The following EPHB1 variants were observed in gnomAD, a reference collection of about 807,000 sequenced individuals.
The protein encoded by EPHB1 is ephrin type-B receptor 1.
EPHB1 carries 30 observed loss-of-function variants against 94.4 expected under a neutral mutation model. The ratio of observed to expected loss-of-function variants is 0.32; its 90% CI spans 0.24 to 0.43. The LOEUF (loss-of-function observed/expected upper bound fraction) is 0.43, where lower values mean the gene tolerates loss of function less well. Among genes scored for constraint, EPHB1 ranks in the 20% least tolerant of loss-of-function variants. EPHB1 has a pLI of 1.00. For missense variants in EPHB1, 1,055 were observed against 1,308.3 expected (o/e 0.81, Z 2.99); for synonymous variants, 522 against 489.1 (o/e 1.07, Z -0.89).
intron 9 of EPHB1, among the ~76,000 whole-genome samples, chr3:135,173,113 C>A (rs1235098514): frequency 1.3e-5 from 2 of 150,180 alleles, no homozygotes; most frequent in African/African-American, 2.5e-5. Flanking sequence ...CAGCTCACTG[C>A]AAGCTCCGCC....
At chr3:135,041,241 C>A (rs1323899330) in intron 3 of EPHB1, among the ~76,000 whole-genome samples, 1 of 152,128 alleles carries the variant, frequency 6.6e-6, no homozygotes, top group Non-Finnish European at 1.5e-5. Context: ...AGAATAGCTC[C>A]CAGTGCTTTC....
chr3:135,241,374 T>A (rs1943779377), intron 13 of EPHB1, 77 bp downstream of exon 13: 1 of 1,568,504 alleles, frequency 6.4e-7, no homozygotes, highest in Non-Finnish European at 8.7e-7. Flanking sequence ...CAATTCCTCC[T>A]GTTTTCAGCT....
chr3:135,024,810 A>G (rs1428171324), intron 3 of EPHB1, among the ~76,000 whole-genome samples: 1 of 152,100 alleles, frequency 6.6e-6, no homozygotes, highest in Non-Finnish European at 1.5e-5. Flanking sequence ...TTTGAATTAT[A>G]TGCTTAATGT....
chr3:134,875,157 CTTG>C (rs1357974304), intron 1 of EPHB1, among the ~76,000 whole-genome samples: 5 of 152,322 alleles, frequency 3.3e-5, no homozygotes, highest in East Asian at 1.9e-4. Context: ...AGGGCCCTGA[CTTG>C]TTGTGCACGG....
rs3067407 is a variant in EPHB1 at position 134,958,413 on chromosome 3, AGTGTGT to A, written c.805+6393_805+6398del. Among the ~76,000 whole-genome samples, 964 of 97,698 alleles carry A rather than the reference AGTGTGT, an allele frequency of 9.9e-3. 8 individuals carry two copies. The highest frequency in any genetic ancestry group is 0.029 in the African/African-American group (857 of 29,222). 64.1% of individuals were successfully genotyped at this position (97,698 alleles called of 152,430 possible). On this transcript the variant is annotated intron_variant, in intron 3 of 15. Coordinates refer to ENST00000398015, the MANE Select transcript of EPHB1 (RefSeq NM_004441.5). ...AAAGAGAAGGTGAGGAACACAAGGG[AGTGTGT>A]GTGTGTGTGTGTGTGTGTGTGTGTG...
At chr3:135,109,271 T>C (rs558615718) in intron 4 of EPHB1, among the ~76,000 whole-genome samples, 5 of 152,346 alleles carry the variant, frequency 3.3e-5, no homozygotes, top group Admixed American at 3.3e-4. Context: ...CTTTGGCACT[T>C]CAGAGACAAA....
chr3:135,251,848 G>A (rs1228162601), intron 15 of EPHB1, among the ~76,000 whole-genome samples: 1 of 152,146 alleles, frequency 6.6e-6, no homozygotes, highest in Non-Finnish European at 1.5e-5. Context: ...TGGGTTCAGG[G>A]GGCTTTAGAG....
At chr3:134,963,163 TTCC>T (rs1933594095) in intron 3 of EPHB1, among the ~76,000 whole-genome samples, 1 of 151,164 alleles carries the variant, frequency 6.6e-6, no homozygotes, top group Non-Finnish European at 1.5e-5. Flanking sequence ...CCTTCCTTCC[TTCC>T]TTCCTTCCTT....
At chr3:134,807,319 C>A (rs2036081707) in intron 1 of EPHB1, among the ~76,000 whole-genome samples, 1 of 152,170 alleles carries the variant, frequency 6.6e-6, no homozygotes, top group Admixed American at 6.5e-5. Flanking sequence ...CACAGACTTT[C>A]CTTCAGGGAG....
At chr3:135,044,499 C>T (rs773084985) in intron 3 of EPHB1, among the ~76,000 whole-genome samples, 10 of 152,218 alleles carry the variant, frequency 6.6e-5, no homozygotes, top group Non-Finnish European at 1.0e-4. Flanking sequence ...GCTTCATGGT[C>T]AGCCAGAACC....
intron 2 of EPHB1, among the ~76,000 whole-genome samples, chr3:134,927,408 G>T (rs755995128): frequency 6.6e-6 from 1 of 152,234 alleles, no homozygotes; most frequent in African/African-American, 2.4e-5. Flanking sequence ...AGGGACAGGG[G>T]CAGAGCCAGA....
intron 3 of EPHB1, among the ~76,000 whole-genome samples, chr3:135,068,460 G>T (rs1937613417): frequency 6.6e-6 from 1 of 151,744 alleles, no homozygotes; most frequent in Admixed American, 6.6e-5. Context: ...GGGGCTGTTG[G>T]GATTATCTGT....
Position 134,795,568 on chromosome 3 carries a change from G to C in EPHB1, c.-64G>C, listed in dbSNP as rs1242096674. 1 of 1,528,546 alleles carries C rather than the reference G, an allele frequency of 6.5e-7. No homozygotes were observed. The highest frequency in any genetic ancestry group is 9.0e-7 in the Non-Finnish European group (1 of 1,116,840). The allele number at this position is 1,528,546 out of a possible 1,614,324, so 94.7% of individuals were successfully genotyped here. The stretch of plus-strand genomic sequence containing the variant: ...CGCGGAGAGCGCAGCGGCGCCCTGG[G>C]ACGCGGCGCTCTCCCGGCGCTGCTG... On this transcript the variant is annotated 5_prime_UTR_variant, in exon 1 of 16. Transcript: ENST00000398015.
chr3:135,081,228 C>A (rs1453913037), intron 3 of EPHB1, among the ~76,000 whole-genome samples: 1 of 152,142 alleles, frequency 6.6e-6, no homozygotes, highest in African/African-American at 2.4e-5. Context: ...ATGTTCCTCA[C>A]AAGTTCTCAG....
intron 1 of EPHB1, among the ~76,000 whole-genome samples, chr3:134,850,407 G>A (rs554359087): frequency 3.0e-4 from 45 of 152,290 alleles, no homozygotes; most frequent in Admixed American, 1.2e-3. Flanking sequence ...GCTTCTCCAC[G>A]CCTGACCTCT....
chr3:135,187,754 A>G (rs969038944), intron 10 of EPHB1, among the ~76,000 whole-genome samples: 30 of 152,138 alleles, frequency 2.0e-4, no homozygotes, highest in African/African-American at 7.2e-4. Flanking sequence ...GGGAAACTTC[A>G]CCATGTCCCC....
chr3:134,875,041 C>CG (rs1019247589), intron 1 of EPHB1, among the ~76,000 whole-genome samples: 5 of 152,128 alleles, frequency 3.3e-5, no homozygotes, highest in Non-Finnish European at 7.3e-5. Flanking sequence ...GCATCACTTC[C>CG]GGGGTACTTT....
intron 1 of EPHB1, among the ~76,000 whole-genome samples, chr3:134,908,731 G>T (rs2038388504): frequency 6.6e-6 from 1 of 152,084 alleles, no homozygotes; most frequent in African/African-American, 2.4e-5. Context: ...GCGTGAGGAG[G>T]GAGAAGGAAA....
At chr3:134,872,352 T>C (rs981722106) in intron 1 of EPHB1, among the ~76,000 whole-genome samples, 2 of 152,356 alleles carry the variant, frequency 1.3e-5, no homozygotes, top group Admixed American at 1.3e-4. Flanking sequence ...AGGCCCTTTG[T>C]GAGCAGTCTT....
Sources: gnomAD v4.1 joint callset for allele counts (sites outside exome capture counted in the v4.1 genomes callset) on GRCh38, gnomAD v4.1.1 for gene constraint, MANE v1.5 for transcripts, NCBI Gene and HGNC (gene_info 2026-07-23, HGNC 2026-07-21) for gene names.